The following SGCD variants were observed in gnomAD, a reference collection of about 807,000 sequenced individuals.
SGCD encodes sarcoglycan delta.
A neutral mutation model predicts 36.6 loss-of-function variants in SGCD; 18 were observed. The observed-to-expected ratio is 0.49, with a 90% confidence interval of 0.34 to 0.73. SGCD has a LOEUF of 0.73. SGCD is among the 30% of genes least tolerant of loss of function. The probability of loss-of-function intolerance (pLI) is 0.01; values close to 1 mark genes in which losing one functional copy is unlikely to be tolerated. For synonymous variants in SGCD, 133 were observed against 130.6 expected, an observed-to-expected ratio of 1.02 and a Z score of -0.12; for missense variants, 387 against 346.7, an observed-to-expected ratio of 1.12 and a Z score of -0.92.
chr5:156,349,378 C>T (rs911746577), intron 3 of SGCD, among the ~76,000 whole-genome samples: 2 of 150,854 alleles, frequency 1.3e-5, no homozygotes, highest in South Asian at 2.1e-4. Context: ...TATTCAGAAT[C>T]GATAAGGAAC....
At chr5:156,130,281 T>C (rs891803718) in intron 3 of SGCD, among the ~76,000 whole-genome samples, 1 of 152,216 alleles carries the variant, frequency 6.6e-6, no homozygotes, top group Non-Finnish European at 1.5e-5. Flanking sequence ...TGGCCACATG[T>C]ATTTCTTCTT....
intron 2 of SGCD, among the ~76,000 whole-genome samples, chr5:156,337,146 T>G (rs1448227563): frequency 3.3e-5 from 5 of 152,204 alleles, no homozygotes; most frequent in Non-Finnish European, 5.9e-5. Flanking sequence ...CTAATATGGC[T>G]AATGGATTTC....
chr5:156,461,451 GACAA>G (rs1754485230), intron 3 of SGCD, among the ~76,000 whole-genome samples: 1 of 152,004 alleles, frequency 6.6e-6, no homozygotes, highest in African/African-American at 2.4e-5. Flanking sequence ...AATTTAATGT[GACAA>G]ACAAGCGGAT....
intron 4 of SGCD, among the ~76,000 whole-genome samples, chr5:156,524,199 T>C (rs1202362886): frequency 6.0e-5 from 8 of 133,012 alleles, no homozygotes; most frequent in African/African-American, 2.2e-4. Context: ...TATATATATA[T>C]ATATATATAG....
intron 7 of SGCD, among the ~76,000 whole-genome samples, chr5:156,746,800 T>C (rs917280020): frequency 6.6e-6 from 1 of 152,158 alleles, no homozygotes; most frequent in African/African-American, 2.4e-5. Context: ...GACCTTGGGG[T>C]AGTCAATGGT....
At chr5:156,336,024 G>T (rs544838209) in intron 2 of SGCD, among the ~76,000 whole-genome samples, 2 of 152,302 alleles carry the variant, frequency 1.3e-5, no homozygotes, top group South Asian at 2.1e-4. Flanking sequence ...CCTAGGTTCT[G>T]CAGTGGTTAC....
intron 1 of SGCD, among the ~76,000 whole-genome samples, chr5:155,894,099 G>A (rs1185391714): frequency 1.3e-5 from 2 of 152,220 alleles, no homozygotes; most frequent in Admixed American, 1.3e-4. Context: ...GAGTGAATGT[G>A]AAGACCTAGG....
intron 4 of SGCD, among the ~76,000 whole-genome samples, chr5:156,565,710 C>T (rs1021266993): frequency 1.1e-4 from 17 of 152,164 alleles, no homozygotes; most frequent in Non-Finnish European, 1.6e-4. Flanking sequence ...CCCCACCCAC[C>T]GACAGGACCC....
At chr5:156,378,030 G>A (rs1372902598) in intron 3 of SGCD, among the ~76,000 whole-genome samples, 1 of 152,164 alleles carries the variant, frequency 6.6e-6, no homozygotes, top group South Asian at 2.1e-4. Flanking sequence ...ATCGGGGATT[G>A]AGGCAGATAT....
the SGCD span, among the ~76,000 whole-genome samples, chr5:155,858,354 T>C: frequency 2.6e-5 from 4 of 152,232 alleles, no homozygotes; most frequent in Non-Finnish European, 5.9e-5. Context: ...CATACATATA[T>C]CAAGACCTAT....
intron 1 of SGCD, among the ~76,000 whole-genome samples, chr5:155,907,132 C>T (rs903370319): frequency 6.7e-6 from 1 of 150,020 alleles, no homozygotes; most frequent in Non-Finnish European, 1.5e-5. Flanking sequence ...AGAAATGGAA[C>T]AGCAAAGCCT....
chr5:155,912,052 T>C (rs1169887527), intron 1 of SGCD, among the ~76,000 whole-genome samples: 1 of 152,022 alleles, frequency 6.6e-6, no homozygotes, highest in Non-Finnish European at 1.5e-5. Context: ...GTATTATACT[T>C]AAATGGAAAA....
chr5:156,627,330 T>G (rs767557344), intron 6 of SGCD, among the ~76,000 whole-genome samples: 71 of 152,080 alleles, frequency 4.7e-4, no homozygotes, highest in Non-Finnish European at 9.7e-4. Flanking sequence ...TGGGGTAGGG[T>G]TTTTTGAGAA....
intron 3 of SGCD, among the ~76,000 whole-genome samples, chr5:156,501,500 A>G (rs1756452594): frequency 1.3e-5 from 2 of 152,176 alleles, no homozygotes; most frequent in African/African-American, 4.8e-5. Flanking sequence ...ATAGAAAACT[A>G]TTAAAACAAC....
intron 6 of SGCD, among the ~76,000 whole-genome samples, chr5:156,597,964 G>A (rs978980035): frequency 1.3e-5 from 2 of 152,094 alleles, no homozygotes; most frequent in African/African-American, 4.8e-5. Flanking sequence ...GTTGGACATA[G>A]AGGGCTTTAC....
At chr5:156,268,564 C>CTCCT (rs57057008) in intron 3 of SGCD, among the ~76,000 whole-genome samples, 13,110 of 149,488 alleles carry the variant, frequency 0.088, 1,171 homozygotes, top group East Asian at 0.51. Context: ...TTTTGATTTG[C>CTCCT]TCCTTCCTTC....
chr5:156,587,870 C>T (rs929911840), intron 4 of SGCD, among the ~76,000 whole-genome samples: 17 of 151,832 alleles, frequency 1.1e-4, no homozygotes, highest in Admixed American at 1.1e-3. Context: ...TTGCTATTCT[C>T]TGGCTAGCAT....
chr5:156,122,274 A>G lies in SGCD; in HGVS notation c.-207-1582A>G, dbSNP rs977585319. Among the ~76,000 whole-genome samples, 8 of 152,198 alleles carry G rather than the reference A, an allele frequency of 5.3e-5. No individual in the cohort carries two copies. The South Asian group carries it at 1.2e-3, about 24-fold the overall frequency. On this transcript the variant is annotated intron_variant, in intron 2 of 9. Transcript: ENST00000517913. ...CTATCAGTGAAGTGAAGTGCTGGAG[A>G]CACAGCAGAATACCCGAGATAGAAT...
At chr5:156,558,336 C>A (rs989379336) in intron 4 of SGCD, among the ~76,000 whole-genome samples, 2 of 151,744 alleles carry the variant, frequency 1.3e-5, no homozygotes, top group African/African-American at 4.8e-5. Context: ...ATAATCCATG[C>A]AAAGTGATAA....
Sources: allele counts gnomAD v4.1 joint callset (sites outside exome capture counted in the v4.1 genomes callset), GRCh38; gene constraint gnomAD v4.1.1; transcripts MANE v1.5; gene names NCBI Gene and HGNC (gene_info 2026-07-23, HGNC 2026-07-21).